NOL4: variants seen among roughly 807,000 people sequenced by gnomAD.
NOL4 encodes cancer/testis antigen 125.
In NOL4, 17 loss-of-function variants were observed where a neutral mutation model predicts 75.9. That is an observed-to-expected ratio of 0.22 (90% confidence interval 0.15 to 0.34). The LOEUF (loss-of-function observed/expected upper bound fraction) is 0.34. Ranked by LOEUF, NOL4 falls within the 10% of genes least tolerant of loss-of-function variation. The pLI is 1.00. For synonymous variants in NOL4, 292 were observed against 289.9 expected (o/e 1.01, Z -0.07); for missense variants, 614 against 793.5 (o/e 0.77, Z 2.72).
At chr18:34,019,211 T>C (rs1037377394) in intron 6 of NOL4, 107 bp downstream of exon 6, 7 of 922,434 alleles carry the variant, frequency 7.6e-6, no homozygotes, top group Non-Finnish European at 3.2e-6. Context: ...ATTGGATTTG[T>C]TTATAATATT....
At chr18:33,887,156 G>GTATA (rs2064785491) in intron 9 of NOL4, among the ~76,000 whole-genome samples, 1 of 141,864 alleles carries the variant, frequency 7.0e-6, no homozygotes, top group Non-Finnish European at 1.5e-5. Context: ...CTAGATATAT[G>GTATA]TGTATATATA....
At chr18:33,933,923 C>T (rs1286093987) in intron 9 of NOL4, among the ~76,000 whole-genome samples, 2 of 152,048 alleles carry the variant, frequency 1.3e-5, no homozygotes, top group Non-Finnish European at 2.9e-5. Context: ...TTTCAATTTC[C>T]TTTTCCTAAT....
At chr18:34,170,576 A>T (rs973354526) in intron 1 of NOL4, among the ~76,000 whole-genome samples, 14 of 152,194 alleles carry the variant, frequency 9.2e-5, no homozygotes, top group African/African-American at 3.4e-4. Flanking sequence ...TAAAATGTTG[A>T]ATATATTGGG....
chr18:34,129,309 G>T (rs900384775), intron 2 of NOL4, among the ~76,000 whole-genome samples: 2 of 151,610 alleles, frequency 1.3e-5, no homozygotes, highest in African/African-American at 2.4e-5. Context: ...AAGGGCATTA[G>T]ATCTATTACA....
intron 9 of NOL4, among the ~76,000 whole-genome samples, 176 bp from the exon 10 acceptor site, chr18:33,883,600 A>G (rs2064446785): frequency 6.6e-6 from 1 of 152,186 alleles, no homozygotes; most frequent in Non-Finnish European, 1.5e-5. Context: ...AAATTAGGAA[A>G]TCAAAATAAC....
chr18:34,117,571 A>C (rs2079918258), intron 2 of NOL4, among the ~76,000 whole-genome samples: 1 of 152,346 alleles, frequency 6.6e-6, no homozygotes, highest in South Asian at 2.1e-4. Context: ...AAGTTTCTCA[A>C]GAACAAGTCA....
chr18:34,019,034 A>G (rs1423137914), intron 6 of NOL4, among the ~76,000 whole-genome samples: 1 of 152,172 alleles, frequency 6.6e-6, no homozygotes, highest in Non-Finnish European at 1.5e-5. Context: ...AAATTCCCAG[A>G]GAGATTCATA....
chr18:33,985,736 T>C (rs1469043710), intron 6 of NOL4, among the ~76,000 whole-genome samples: 5 of 152,160 alleles, frequency 3.3e-5, no homozygotes, highest in African/African-American at 1.2e-4. Flanking sequence ...TTCAGCAGAT[T>C]AGTGGGTAAA....
At chr18:34,176,972 G>A (rs1318646575) in intron 1 of NOL4, among the ~76,000 whole-genome samples, 3 of 151,964 alleles carry the variant, frequency 2.0e-5, no homozygotes, top group Non-Finnish European at 4.4e-5. Flanking sequence ...TTATAAGATA[G>A]AGTTGATATC....
At chr18:33,897,112 G>A (rs556029199) in intron 9 of NOL4, among the ~76,000 whole-genome samples, 10 of 152,136 alleles carry the variant, frequency 6.6e-5, no homozygotes, top group Non-Finnish European at 1.3e-4. Context: ...AAGTCAAAAA[G>A]TAACAGATGC....
intron 9 of NOL4, among the ~76,000 whole-genome samples, chr18:33,933,761 TC>T (rs1442698114): frequency 1.3e-5 from 2 of 152,108 alleles, no homozygotes; most frequent in Non-Finnish European, 2.9e-5. Flanking sequence ...TAAAGTTACC[TC>T]CACTAGTAAA....
chr18:33,964,792 T>C (rs1179360626), intron 6 of NOL4, among the ~76,000 whole-genome samples: 2 of 152,088 alleles, frequency 1.3e-5, no homozygotes, highest in Admixed American at 1.3e-4. Flanking sequence ...GTAAGAAAAA[T>C]GGCAGAGAGA....
intron 6 of NOL4, among the ~76,000 whole-genome samples, chr18:34,002,411 A>G (rs1304105547): frequency 6.6e-6 from 1 of 152,036 alleles, no homozygotes; most frequent in Non-Finnish European, 1.5e-5. Flanking sequence ...TCTAGCTCCT[A>G]CGCATTCTTT....
intron 9 of NOL4, among the ~76,000 whole-genome samples, chr18:33,939,017 C>T (rs767751698): frequency 6.6e-6 from 1 of 152,014 alleles, no homozygotes; most frequent in African/African-American, 2.4e-5. Flanking sequence ...TTCCCAACAC[C>T]GTTTATTAAA....
At chr18:34,085,111 C>T (rs1205810992) in intron 5 of NOL4, among the ~76,000 whole-genome samples, 2 of 152,172 alleles carry the variant, frequency 1.3e-5, no homozygotes, top group African/African-American at 2.4e-5. Flanking sequence ...TATAATATAG[C>T]TGGATATATA....
At chr18:33,882,447 A>G (rs1568001101) in intron 10 of NOL4, among the ~76,000 whole-genome samples, 1 of 152,142 alleles carries the variant, frequency 6.6e-6, no homozygotes, top group Non-Finnish European at 1.5e-5. Context: ...CAAAAAACAC[A>G]TGAAAAAATG....
chr18:33,939,217 T>C (rs936601494), intron 9 of NOL4, among the ~76,000 whole-genome samples: 1 of 152,168 alleles, frequency 6.6e-6, no homozygotes, highest in Non-Finnish European at 1.5e-5. Flanking sequence ...GTGTGATGCC[T>C]CTAGCTTTGT....
chr18:33,884,837 T>C (rs1052337243), intron 9 of NOL4, among the ~76,000 whole-genome samples: 1 of 152,146 alleles, frequency 6.6e-6, no homozygotes, highest in Non-Finnish European at 1.5e-5. Flanking sequence ...TACTGTTGTA[T>C]TGAGAATACT....
At chr18:33,867,137 G>GGGTT (rs1477270642) in intron 10 of NOL4, among the ~76,000 whole-genome samples, 3 of 152,090 alleles carry the variant, frequency 2.0e-5, no homozygotes, top group African/African-American at 7.2e-5. Flanking sequence ...ATACCGTAGG[G>GGGTT]GGTTAATTGT....
Sources: allele counts gnomAD v4.1 joint callset (sites outside exome capture counted in the v4.1 genomes callset), GRCh38; gene constraint gnomAD v4.1.1; transcripts MANE v1.5; gene names NCBI Gene and HGNC (gene_info 2026-07-23, HGNC 2026-07-21).